The following CACNA1B variants were observed in gnomAD, a reference collection of about 807,000 sequenced individuals.
CACNA1B encodes voltage-dependent N-type calcium channel subunit alpha-1B.
CACNA1B carries 70 observed loss-of-function variants against 247.2 expected under a neutral mutation model. The observed-to-expected ratio is 0.28, with a 90% CI of 0.23 to 0.35. CACNA1B has a LOEUF of 0.35. Among genes scored for constraint, CACNA1B ranks in the 10% least tolerant of loss-of-function variants. CACNA1B has a pLI of 1.00. For synonymous variants in CACNA1B, 1,231 were observed against 1,294.4 expected, an observed-to-expected ratio of 0.95 and a Z score of 1.05; for missense variants, 2,367 against 3,197.4, an observed-to-expected ratio of 0.74 and a Z score of 6.26.
At chr9:138,039,242 T>G (rs1250503513) in intron 20 of CACNA1B, among the ~76,000 whole-genome samples, 1 of 152,092 alleles carries the variant, frequency 6.6e-6, no homozygotes, top group Non-Finnish European at 1.5e-5. Context: ...ATGTCATTAA[T>G]TCCGTGGCAT....
chr9:137,937,642 TATC>T (rs1299708107), intron 6 of CACNA1B, among the ~76,000 whole-genome samples: 2 of 152,126 alleles, frequency 1.3e-5, no homozygotes, highest in Non-Finnish European at 2.9e-5. Context: ...GTCATCATAT[TATC>T]TAAAGTTAAG....
chr9:137,955,756 C>T lies in CACNA1B; in HGVS notation c.1129C>T (p.Arg377Trp), dbSNP rs1436569143. ...ENRRAFLKLR[R>W]QQQIERELNG... ...CCGCCGCGCCTTCCTGAAGCTGCGCCGGCAGCAGCAGATCGAGCGAGAGCT... is the reference window on the plus strand; with the variant it reads ...CCGCCGCGCCTTCCTGAAGCTGCGCTGGCAGCAGCAGATCGAGCGAGAGCT... Residue 377 changes from arginine to tryptophan, a missense_variant, in exon 8 of 47, where the codon CGG (arginine) becomes TGG (tryptophan). Transcript: ENST00000371372. This position sits in a 1 kb window ranked among gnomAD's most constrained non-coding sequence, Gnocchi z 6.9. The T allele has an allele frequency of 3.1e-6, 5 of 1,612,900 alleles. No individual in the cohort carries two copies. The highest frequency in any genetic ancestry group is 4.2e-6 in the Non-Finnish European group (5 of 1,179,550).
chr9:138,068,751 G>A (rs1175172061), intron 31 of CACNA1B: 1 of 435,830 alleles, frequency 2.3e-6, no homozygotes, highest in Non-Finnish European at 4.6e-6. Context: ...TGCTGAGAGG[G>A]CACAAAGTGG....
chr9:138,050,013 G>A lies in CACNA1B; in HGVS notation c.3710+698G>A. 8.1e-7 allele frequency: 1 copy of A among 1,237,096 alleles called. No homozygotes were observed. Among genetic ancestry groups the A allele is most frequent in the Non-Finnish European group, 1.1e-6 (1 of 940,850 alleles). 76.6% of individuals were successfully genotyped at this position (1,237,096 alleles called of 1,614,324 possible). A position where few individuals can be genotyped will look rare whatever the true frequency, so the allele number is the denominator to read the frequency against. On this transcript the variant is annotated intron_variant, in intron 24 of 46. Transcript: ENST00000371372. The surrounding 1 kb of genome is among the most constrained non-coding windows in gnomAD (Gnocchi z 5.2). Reference sequence around the variant, plus strand: ...GGTCCACATCTCTCTGAGCGGCTGGGAGGGCTGCTCCTGGTGCCACTGACT... The same window carrying A: ...GGTCCACATCTCTCTGAGCGGCTGGAAGGGCTGCTCCTGGTGCCACTGACT...
intron 6 of CACNA1B, among the ~76,000 whole-genome samples, chr9:137,929,484 G>T (rs1957586251): frequency 6.6e-6 from 1 of 152,170 alleles, no homozygotes; most frequent in Non-Finnish European, 1.5e-5. Context: ...GAGCCCAGGA[G>T]CTGGAGGCTG....
At chr9:137,912,199 C>A (rs1026936503) in intron 3 of CACNA1B, among the ~76,000 whole-genome samples, 2 of 152,202 alleles carry the variant, frequency 1.3e-5, no homozygotes, top group Non-Finnish European at 2.9e-5. Context: ...TTGGGAATAA[C>A]GGACATGCGT....
At chr9:137,999,731 C>T (rs1958543154) in intron 15 of CACNA1B, among the ~76,000 whole-genome samples, 1 of 152,058 alleles carries the variant, frequency 6.6e-6, no homozygotes, top group Admixed American at 6.5e-5. Flanking sequence ...TGGTCTCAAA[C>T]TCAGTGGGCT....
chr9:138,053,456 G>A (rs1291673757), intron 25 of CACNA1B, among the ~76,000 whole-genome samples: 2 of 152,130 alleles, frequency 1.3e-5, no homozygotes, highest in South Asian at 2.1e-4. Flanking sequence ...GGGCCACCTG[G>A]GCCTCAGTGG....
At chr9:138,106,958 C>T (rs1372995843) in intron 39 of CACNA1B, among the ~76,000 whole-genome samples, 1 of 152,188 alleles carries the variant, frequency 6.6e-6, no homozygotes, top group East Asian at 1.9e-4. Context: ...ATCCCCAGCT[C>T]ATGGGCTGTC....
intron 6 of CACNA1B, among the ~76,000 whole-genome samples, chr9:137,926,558 AT>A (rs1301172414): frequency 6.6e-6 from 1 of 152,188 alleles, no homozygotes; most frequent in Non-Finnish European, 1.5e-5. Flanking sequence ...CAGAAGTGGA[AT>A]TGAGGGATCA....
intron 18 of CACNA1B, among the ~76,000 whole-genome samples, chr9:138,017,385 C>G (rs1033727269): frequency 6.6e-6 from 1 of 152,250 alleles, no homozygotes; most frequent in Non-Finnish European, 1.5e-5. Flanking sequence ...CCAAGTCCTG[C>G]CACGGGGTCA....
At chr9:138,000,599 G>T (rs932347408) in intron 15 of CACNA1B, among the ~76,000 whole-genome samples, 14 of 152,110 alleles carry the variant, frequency 9.2e-5, no homozygotes, top group Admixed American at 5.9e-4. Flanking sequence ...ATAACTATTT[G>T]ACTCAAACAA....
chr9:137,884,697 C>A (rs188304050), intron 3 of CACNA1B, among the ~76,000 whole-genome samples: 1 of 151,876 alleles, frequency 6.6e-6, no homozygotes, highest in Non-Finnish European at 1.5e-5. Context: ...TGCGGGCCAG[C>A]GGGCAGCTGG....
intron 6 of CACNA1B, among the ~76,000 whole-genome samples, chr9:137,945,198 C>G (rs192713009): frequency 3.9e-5 from 6 of 152,190 alleles, no homozygotes; most frequent in Admixed American, 3.3e-4. Flanking sequence ...CAGACGTTTT[C>G]TCCTTAGATT....
chr9:137,897,164 C>T (rs1422649502), intron 3 of CACNA1B, among the ~76,000 whole-genome samples: 1 of 151,666 alleles, frequency 6.6e-6, no homozygotes, highest in Non-Finnish European at 1.5e-5. Flanking sequence ...TATTTTATTA[C>T]TTCCTTCATT....
Position 138,023,138 on chromosome 9 carries a change from T to G in CACNA1B, c.2395T>G (p.Phe799Val). ...SEMDPEERLR[F>V]ATTRHLRPDM... is the part of the protein sequence containing the mutation. ...GATGGACCCCGAGGAGCGGCTGCGCTTCGCCACTACGCGCCACCTGCGGCC... is the reference window on the plus strand; with the variant it reads ...GATGGACCCCGAGGAGCGGCTGCGCGTCGCCACTACGCGCCACCTGCGGCC... Residue 799 changes from phenylalanine (F) to valine (V), a missense_variant, in exon 19 of 47, where the codon TTC becomes GTC. Physicochemically the swap from Phe to Val is conservative, Grantham distance 50 (BLOSUM62 -1). Around this residue, in one of 12 missense-constraint regions of CACNA1B, gnomAD observed 631 missense variants for 631.1 expected, o/e 1.00. Coordinates refer to ENST00000371372, the MANE Select transcript of CACNA1B (RefSeq NM_000718.4). 1 of 1,537,098 alleles carries G rather than the reference T, an allele frequency of 6.5e-7. No individual in the cohort carries two copies.
At position 138,023,149 on chromosome 9, in the gene CACNA1B, G is replaced by A. The variant is rs1958870792; in HGVS notation, c.2406G>A (p.Thr802=). 2 of 1,536,040 alleles carry A rather than the reference G, an allele frequency of 1.3e-6. No individual in the cohort carries two copies. Among genetic ancestry groups the A allele is most frequent in the Non-Finnish European group, 1.7e-6 (2 of 1,149,180 alleles). ...DPEERLRFAT[T]RHLRPDMKTH... ...AGGAGCGGCTGCGCTTCGCCACTAC[G>A]CGCCACCTGCGGCCCGACATGAAGA... Residue 802 remains threonine, a synonymous_variant, in exon 19 of 47, where the codon ACG becomes ACA. Coordinates refer to ENST00000371372, the MANE Select transcript of CACNA1B (RefSeq NM_000718.4).
rs199818961 is a variant in CACNA1B, at chr9:137,913,246, C to A, written c.597C>A (p.Pro199=). 1.9e-6 allele frequency: 3 copies of A among 1,613,748 alleles called. 1 individual carries two copies. The highest frequency in any genetic ancestry group is 1.3e-5 in the African/African-American group (1 of 74,906). Residue 199 remains proline, a synonymous_variant, in exon 4 of 47, where the codon CCC becomes CCA. Transcript: ENST00000371372. The surrounding 1 kb of genome is among the most constrained non-coding windows in gnomAD (Gnocchi z 5.2). ...TGAGGGCTGTGCGTGTGCTGAGGCC[C>A]CTGAAGCTGGTGTCTGGGATTCCAA... ...RTLRAVRVLR[P]LKLVSGIPSL... is the part of the protein sequence containing the mutation.
intron 18 of CACNA1B, among the ~76,000 whole-genome samples, chr9:138,022,749 C>T (rs939171825): frequency 1.3e-5 from 2 of 151,978 alleles, no homozygotes; most frequent in Non-Finnish European, 2.9e-5. Flanking sequence ...CCTTGAGCCC[C>T]CCAGGGTCCT....
Sources: allele counts gnomAD v4.1 joint callset (sites outside exome capture counted in the v4.1 genomes callset), GRCh38; gene constraint gnomAD v4.1.1; regional missense constraint gnomAD v4.1.1; non-coding constraint Gnocchi (gnomAD v3.1); transcripts MANE v1.5; gene names NCBI Gene and HGNC (gene_info 2026-07-23, HGNC 2026-07-21).